Variants in UXS1 observed in about 807,000 individuals in gnomAD.
UXS1 encodes UDP-glucuronate decarboxylase 1.
A neutral mutation model predicts 62.6 loss-of-function variants in UXS1; 33 were observed. The observed-to-expected ratio is 0.53, with a 90% CI of 0.40 to 0.70. The LOEUF (loss-of-function observed/expected upper bound fraction) is 0.70. Ranked by LOEUF, UXS1 falls within the 30% of genes least tolerant of loss-of-function variation. The pLI is 0.00. For missense variants in UXS1, 434 were observed against 556.3 expected (o/e 0.78, Z 2.21); for synonymous variants, 213 against 206.8 (o/e 1.03, Z -0.26).
At chr2:106,137,345 G>A (rs576872203) in intron 6 of UXS1, among the ~76,000 whole-genome samples, 10 of 152,304 alleles carry the variant, frequency 6.6e-5, no homozygotes, top group South Asian at 2.1e-4. Context: ...AGCACAGACC[G>A]GGTCAGTTCC....
intron 4 of UXS1, among the ~76,000 whole-genome samples, chr2:106,161,360 C>T (rs770739775): frequency 6.6e-6 from 1 of 152,180 alleles, no homozygotes; most frequent in African/African-American, 2.4e-5. Context: ...CCTGCCGAGG[C>T]TTCCCAAAGT....
intron 8 of UXS1, among the ~76,000 whole-genome samples, chr2:106,124,459 C>T (rs1237553230): frequency 6.6e-6 from 1 of 152,208 alleles, no homozygotes; most frequent in Non-Finnish European, 1.5e-5. Flanking sequence ...AATTTCCAAT[C>T]ATCTCCCCTT....
chr2:106,178,789 T>G lies in UXS1; in HGVS notation c.95-12706A>C, dbSNP rs952417353. On this transcript the variant is annotated intron_variant, in intron 1 of 14. Transcript: ENST00000283148. Reference sequence around the variant, plus strand: ...CCCCCGCCCTATGTCTACTCCTCCATCACCTGCGGCAAGCTGGGCAGTGTA... The same window carrying G: ...CCCCCGCCCTATGTCTACTCCTCCAGCACCTGCGGCAAGCTGGGCAGTGTA... Among the ~76,000 whole-genome samples the G allele has an allele frequency of 3.5e-5, 4 of 114,136 alleles. No individual in the cohort carries two copies. The Admixed American group carries it at 4.8e-4, about 14-fold the overall frequency. The allele number at this position is 114,136 out of a possible 152,430, so 74.9% of individuals were successfully genotyped here. A position where few individuals can be genotyped will look rare whatever the true frequency, so the allele number is the denominator to read the frequency against.
chr2:106,109,174 T>C lies in UXS1; in HGVS notation c.879+3472A>G, dbSNP rs564931911. Among the ~76,000 whole-genome samples, 16 of 152,104 alleles carry C rather than the reference T, an allele frequency of 1.1e-4. No homozygotes were observed. In the East Asian group the frequency reaches 2.7e-3, roughly 26 times the overall value. On this transcript the variant is annotated intron_variant, in intron 10 of 14. Transcript: ENST00000283148. Reference sequence around the variant, plus strand: ...GCTGTATTTGGAGTTGATCCCAGTCTTTCCCCCCCGAAAAATCCCACTGCA... The same window carrying C: ...GCTGTATTTGGAGTTGATCCCAGTCCTTCCCCCCCGAAAAATCCCACTGCA...
chr2:106,159,832 T>C (rs1278209922), intron 4 of UXS1, among the ~76,000 whole-genome samples: 2 of 152,200 alleles, frequency 1.3e-5, no homozygotes, highest in Non-Finnish European at 2.9e-5. Context: ...CAGAAAGCCC[T>C]GAGCGTGCTT....
At chr2:106,113,803 TC>T (rs1359915668) in intron 9 of UXS1, among the ~76,000 whole-genome samples, 1 of 152,176 alleles carries the variant, frequency 6.6e-6, no homozygotes, top group Non-Finnish European at 1.5e-5. Flanking sequence ...GCTCCACCGC[TC>T]ACTGCCCAGG....
At chr2:106,162,156 G>A (rs1338360460) in intron 4 of UXS1, among the ~76,000 whole-genome samples, 4 of 152,140 alleles carry the variant, frequency 2.6e-5, no homozygotes, top group East Asian at 1.9e-4. Flanking sequence ...CCTGAAGGAC[G>A]GAACCATTCC....
rs1274186268 is a variant in UXS1, at chr2:106,194,261, C to A, written c.-20G>T. The A allele has an allele frequency of 1.0e-5, 14 of 1,354,402 alleles. No individual in the cohort carries two copies. Among genetic ancestry groups the A allele is most frequent in the Admixed American group, 2.9e-5 (1 of 33,988 alleles). The allele number at this position is 1,354,402 out of a possible 1,614,324, so 83.9% of individuals were successfully genotyped here. On this transcript the variant is annotated 5_prime_UTR_variant, in exon 1 of 15. Coordinates refer to ENST00000283148, the MANE Select transcript of UXS1 (RefSeq NM_001253875.2). ...CACCATCCCCGGGAGCCGCGCGGGTCCAGGGCCCTACCGCGCGGGGGCCCG... is the reference window on the plus strand; with the variant it reads ...CACCATCCCCGGGAGCCGCGCGGGTACAGGGCCCTACCGCGCGGGGGCCCG...
chr2:106,138,439 C>G, intron 6 of UXS1: 1 of 985,456 alleles, frequency 1.0e-6, no homozygotes, highest in Non-Finnish European at 1.2e-6. Flanking sequence ...GGAGGGGAGG[C>G]CCCCTCGGTC....
intron 6 of UXS1, among the ~76,000 whole-genome samples, chr2:106,136,965 C>CAAAAAAAAAAAAAAAAAAAAAAAAAAA (rs397701050): frequency 1.8e-5 from 1 of 54,160 alleles, no homozygotes; most frequent in Admixed American, 2.0e-4. Context: ...AGAACACACA[C>CAAAAAAAAAAAAAAAAAAAAAAAAAAA]AAAAAAAAAA....
intron 6 of UXS1, among the ~76,000 whole-genome samples, chr2:106,137,539 A>T (rs1166631381): frequency 1.3e-5 from 2 of 152,116 alleles, no homozygotes; most frequent in African/African-American, 4.8e-5. Context: ...CTGTAATCCT[A>T]GCACTTTGGG....
At chr2:106,107,863 G>A (rs1484923505) in intron 10 of UXS1, among the ~76,000 whole-genome samples, 6 of 152,308 alleles carry the variant, frequency 3.9e-5, no homozygotes, top group South Asian at 2.1e-4. Context: ...CTTCAGGTAC[G>A]GTGACAAAAG....
chr2:106,128,723 A>T (rs1463465405), intron 7 of UXS1, among the ~76,000 whole-genome samples: 1 of 152,156 alleles, frequency 6.6e-6, no homozygotes, highest in Non-Finnish European at 1.5e-5. Flanking sequence ...CTCTTTCTCT[A>T]AATCTCTACA....
chr2:106,148,954 G>A (rs910303207), intron 5 of UXS1, among the ~76,000 whole-genome samples: 1 of 152,176 alleles, frequency 6.6e-6, no homozygotes, highest in Non-Finnish European at 1.5e-5. Context: ...CGCTCTTGTG[G>A]GTGCCAATAG....
At chr2:106,161,441 G>A (rs1417903889) in intron 4 of UXS1, among the ~76,000 whole-genome samples, 1 of 152,084 alleles carries the variant, frequency 6.6e-6, no homozygotes, top group African/African-American at 2.4e-5. Flanking sequence ...CCTACCCAGT[G>A]TACTGGCTCA....
intron 1 of UXS1, among the ~76,000 whole-genome samples, chr2:106,169,084 G>A (rs1020249): frequency 0.98 from 149,179 of 152,306 alleles, 73,119 homozygotes; most frequent in South Asian, 1. Context: ...TAGACACCTG[G>A]TGAACACCTG....
At chr2:106,184,350 A>G (rs1684429608) in intron 1 of UXS1, among the ~76,000 whole-genome samples, 1 of 152,248 alleles carries the variant, frequency 6.6e-6, no homozygotes, top group South Asian at 2.1e-4. Context: ...TTCAGTACAC[A>G]TGAAGAATCT....
intron 7 of UXS1, among the ~76,000 whole-genome samples, chr2:106,128,956 C>T (rs1558705091): frequency 6.6e-6 from 1 of 152,142 alleles, no homozygotes; most frequent in African/African-American, 2.4e-5. Flanking sequence ...AAAGTGGTTC[C>T]TTTCTTCCAC....
chr2:106,169,495 G>A (rs1683407274), intron 1 of UXS1, among the ~76,000 whole-genome samples: 1 of 152,100 alleles, frequency 6.6e-6, no homozygotes, highest in Non-Finnish European at 1.5e-5. Context: ...TCTGGAGTTT[G>A]AGGCCGGCCT....
Sources: allele counts gnomAD v4.1 joint callset (sites outside exome capture counted in the v4.1 genomes callset), GRCh38; gene constraint gnomAD v4.1.1; transcripts MANE v1.5; gene names NCBI Gene and HGNC (gene_info 2026-07-23, HGNC 2026-07-21).